The following STXBP5L variants were observed in gnomAD, a reference collection of about 807,000 sequenced individuals.
The protein encoded by STXBP5L is syntaxin-binding protein 5-like.
A neutral mutation model predicts 144.5 loss-of-function variants in STXBP5L; 65 were observed. That is an observed-to-expected ratio of 0.45 (90% CI 0.37 to 0.55). The LOEUF (loss-of-function observed/expected upper bound fraction) is 0.55. Among genes scored for constraint, STXBP5L ranks in the 20% least tolerant of loss-of-function variants. The pLI is 0.00. For synonymous variants in STXBP5L, 505 were observed against 469.6 expected (o/e 1.08, Z -0.97); for missense variants, 1,298 against 1,405.5 (o/e 0.92, Z 1.22).
intron 12 of STXBP5L, among the ~76,000 whole-genome samples, chr3:121,235,844 C>CACACACAT (rs1553746114): frequency 1.4e-5 from 2 of 139,762 alleles, no homozygotes; most frequent in Middle Eastern, 3.3e-3. Context: ...CACACACATA[C>CACACACAT]ACACACACAC....
intron 19 of STXBP5L, among the ~76,000 whole-genome samples, chr3:121,294,180 C>T (rs2051557534): frequency 6.6e-6 from 1 of 152,186 alleles, no homozygotes; most frequent in Non-Finnish European, 1.5e-5. Flanking sequence ...GCGAGTATTG[C>T]ACTCCAGCAG....
chr3:121,009,066 A>T (rs140022339), intron 3 of STXBP5L, among the ~76,000 whole-genome samples: 21 of 152,056 alleles, frequency 1.4e-4, no homozygotes, highest in African/African-American at 4.8e-4. Flanking sequence ...GAAGGATTTC[A>T]TAACATTGGT....
chr3:121,057,141 G>C (rs919992893), intron 5 of STXBP5L, among the ~76,000 whole-genome samples: 2 of 151,762 alleles, frequency 1.3e-5, no homozygotes, highest in African/African-American at 4.8e-5. Context: ...ATGCAACATG[G>C]ATGAAACTCA....
In STXBP5L at chr3:121,284,370, C is replaced by T. The variant is rs565116543; in HGVS notation, c.2110+4414C>T. Among the ~76,000 whole-genome samples the T allele has an allele frequency of 7.2e-4, 110 of 152,124 alleles. 1 individual carries two copies. Among genetic ancestry groups the T allele is most frequent in the South Asian group, 6.4e-3 (31 of 4,826 alleles). On this transcript the variant is annotated intron_variant, in intron 19 of 26. Transcript: ENST00000471454. ...TACTTTCTATAGTAAGCCTTTCCTA[C>T]CACCATCAGAGCCCTGTTGTGCCAA...
At chr3:121,208,771 T>C (rs577458982) in intron 10 of STXBP5L, among the ~76,000 whole-genome samples, 9 of 152,262 alleles carry the variant, frequency 5.9e-5, no homozygotes, top group African/African-American at 1.9e-4. Flanking sequence ...TTTCACATTA[T>C]ATATAGTTTA....
At chr3:121,411,831 C>T (rs1430904131) in intron 23 of STXBP5L, among the ~76,000 whole-genome samples, 2 of 152,064 alleles carry the variant, frequency 1.3e-5, no homozygotes, top group African/African-American at 2.4e-5. Flanking sequence ...ACCCACAACA[C>T]ATCTCTGTCA....
At chr3:121,103,922 G>A (rs891916183) in intron 5 of STXBP5L, among the ~76,000 whole-genome samples, 4 of 152,026 alleles carry the variant, frequency 2.6e-5, no homozygotes, top group African/African-American at 2.4e-5. Context: ...CTGCAGACAG[G>A]GTATTACGTA....
At chr3:121,101,399 C>G (rs1227673726) in intron 5 of STXBP5L, among the ~76,000 whole-genome samples, 1 of 152,086 alleles carries the variant, frequency 6.6e-6, no homozygotes, top group African/African-American at 2.4e-5. Flanking sequence ...TCACCATGAT[C>G]AATTAGGCTT....
chr3:120,961,874 G>A (rs1278881487), intron 3 of STXBP5L, among the ~76,000 whole-genome samples: 1 of 152,144 alleles, frequency 6.6e-6, no homozygotes, highest in African/African-American at 2.4e-5. Flanking sequence ...AGTTGAACTA[G>A]TTTACACTCC....
intron 3 of STXBP5L, among the ~76,000 whole-genome samples, chr3:120,959,088 A>G (rs1938414066): frequency 6.6e-6 from 1 of 152,214 alleles, no homozygotes; most frequent in African/African-American, 2.4e-5. Flanking sequence ...TGCAAAAATC[A>G]CAAGCATTCT....
intron 2 of STXBP5L, among the ~76,000 whole-genome samples, chr3:120,932,421 A>G (rs1357901998): frequency 6.6e-6 from 1 of 152,216 alleles, no homozygotes; most frequent in African/African-American, 2.4e-5. Flanking sequence ...TAGCAGATAA[A>G]TAGAAGATTT....
At chr3:121,093,983 G>T (rs1037374787) in intron 5 of STXBP5L, among the ~76,000 whole-genome samples, 2 of 151,900 alleles carry the variant, frequency 1.3e-5, no homozygotes, top group Non-Finnish European at 2.9e-5. Context: ...CTTTGTTCTC[G>T]TTGGTTTCAA....
At chr3:121,002,152 C>G (rs1447832356) in intron 3 of STXBP5L, among the ~76,000 whole-genome samples, 1 of 151,954 alleles carries the variant, frequency 6.6e-6, no homozygotes, top group Non-Finnish European at 1.5e-5. Context: ...ATGGCTGTAC[C>G]AATTTATGTT....
chr3:121,260,484 A>T (rs948428566), intron 18 of STXBP5L, among the ~76,000 whole-genome samples: 1 of 152,090 alleles, frequency 6.6e-6, no homozygotes, highest in African/African-American at 2.4e-5. Context: ...CTTCAAGATA[A>T]TAATAAAAAT....
chr3:120,959,045 A>G (rs1260506571), intron 3 of STXBP5L, among the ~76,000 whole-genome samples: 1 of 152,248 alleles, frequency 6.6e-6, no homozygotes, highest in Non-Finnish European at 1.5e-5. Context: ...CTGATAAGCA[A>G]CTTCAGCAAA....
intron 9 of STXBP5L, among the ~76,000 whole-genome samples, chr3:121,192,163 C>T (rs547981640): frequency 6.6e-6 from 1 of 152,166 alleles, no homozygotes. Flanking sequence ...AAATCACAAC[C>T]ATTCTTATAC....
chr3:121,065,861 A>AT (rs2041518353), intron 5 of STXBP5L, among the ~76,000 whole-genome samples: 2 of 152,208 alleles, frequency 1.3e-5, no homozygotes, highest in Non-Finnish European at 2.9e-5. Context: ...TGTTGGTAGC[A>AT]TTCATATCCC....
At chr3:121,350,093 G>A (rs918705710) in intron 20 of STXBP5L, among the ~76,000 whole-genome samples, 2 of 152,114 alleles carry the variant, frequency 1.3e-5, no homozygotes, top group South Asian at 2.1e-4. Flanking sequence ...GCAGTGGCTG[G>A]TACCAGTTAT....
intron 5 of STXBP5L, among the ~76,000 whole-genome samples, chr3:121,082,394 A>G (rs918224470): frequency 6.6e-6 from 1 of 152,138 alleles, no homozygotes; most frequent in African/African-American, 2.4e-5. Context: ...TGTTTGGCAC[A>G]TGTTCATTGC....
Sources: gnomAD v4.1 joint callset for allele counts (sites outside exome capture counted in the v4.1 genomes callset) on GRCh38, gnomAD v4.1.1 for gene constraint, MANE v1.5 for transcripts, NCBI Gene and HGNC (gene_info 2026-07-23, HGNC 2026-07-21) for gene names.